GDPD4: variants seen among roughly 807,000 people sequenced by gnomAD.
The protein encoded by GDPD4 is glycerophosphodiester phosphodiesterase 6.
A neutral mutation model predicts 67.8 loss-of-function variants in GDPD4; 60 were observed. The observed-to-expected ratio is 0.88, with a 90% CI of 0.72 to 1.10. The LOEUF (loss-of-function observed/expected upper bound fraction) is 1.10, where lower values mean the gene tolerates loss of function less well. GDPD4 is among the 50% of genes least tolerant of loss of function. GDPD4 has a pLI of 0.00. For missense variants in GDPD4, 623 were observed against 613.9 expected (o/e 1.01, Z -0.16); for synonymous variants, 212 against 210.9 (o/e 1.00, Z -0.04).
intron 10 of GDPD4, 88 bp from the exon 11 acceptor site, chr11:77,258,630 G>T: frequency 8.7e-7 from 1 of 1,146,762 alleles, no homozygotes; most frequent in South Asian, 1.3e-5. Context: ...GTCCTTCAAG[G>T]TCACAAGTGT....
At chr11:77,239,492 C>A (rs1391639291) in intron 13 of GDPD4, among the ~76,000 whole-genome samples, 1 of 152,152 alleles carries the variant, frequency 6.6e-6, no homozygotes, top group Non-Finnish European at 1.5e-5. Flanking sequence ...TGCAAAGTTG[C>A]AGGATACAAA....
At chr11:77,233,196 G>A (rs1170053959) in intron 13 of GDPD4, 24 bp from the exon 14 acceptor site, 1 of 1,607,754 alleles carries the variant, frequency 6.2e-7, no homozygotes, top group Admixed American at 1.7e-5. Context: ...AGAACCCACA[G>A]GGGATTTAGA....
At chr11:77,260,722 TA>T (rs1208354820) in intron 10 of GDPD4, among the ~76,000 whole-genome samples, 1 of 152,058 alleles carries the variant, frequency 6.6e-6, no homozygotes, top group African/African-American at 2.4e-5. Flanking sequence ...ATACAAGGTA[TA>T]AAAAACGGAA....
At chr11:77,279,181 T>A (rs903318182) in intron 4 of GDPD4, 125 bp downstream of exon 4, 12 of 594,640 alleles carry the variant, frequency 2.0e-5, no homozygotes, top group Non-Finnish European at 3.3e-5. Context: ...ATCCCAACTC[T>A]ACTAAGACAA....
At chr11:77,240,035 A>G (rs1958633982) in intron 13 of GDPD4, among the ~76,000 whole-genome samples, 1 of 152,132 alleles carries the variant, frequency 6.6e-6, no homozygotes, top group Non-Finnish European at 1.5e-5. Flanking sequence ...TATGGATTGA[A>G]AGACTTAATA....
intron 16 of GDPD4, chr11:77,224,243 T>C (rs12788116): frequency 0.25 from 38,758 of 152,190 alleles, 6,057 homozygotes; most frequent in South Asian, 0.44. Flanking sequence ...GGTACCTCAG[T>C]TGGAAATGCA....
intron 11 of GDPD4, among the ~76,000 whole-genome samples, chr11:77,245,842 T>G (rs532606624): frequency 6.6e-6 from 1 of 152,280 alleles, no homozygotes; most frequent in South Asian, 2.1e-4. Flanking sequence ...CTCCCGCTAT[T>G]CTAGTTTTGT....
At chr11:77,243,584 C>A in intron 13 of GDPD4, 110 bp downstream of exon 13, 1 of 944,172 alleles carries the variant, frequency 1.1e-6, no homozygotes, top group South Asian at 1.4e-5. Flanking sequence ...AGGAGATAAC[C>A]ACACACAGAA....
At chr11:77,264,257 G>T (rs1959167191) in intron 10 of GDPD4, among the ~76,000 whole-genome samples, 1 of 152,210 alleles carries the variant, frequency 6.6e-6, no homozygotes, top group African/African-American at 2.4e-5. Context: ...CTTTTCAAAT[G>T]TTTCTCAAAA....
chr11:77,235,531 G>T (rs1005219699), intron 13 of GDPD4, among the ~76,000 whole-genome samples: 1 of 152,202 alleles, frequency 6.6e-6, no homozygotes, highest in African/African-American at 2.4e-5. Context: ...CCATACAAAT[G>T]TGACAAATGA....
chr11:77,279,005 T>C (rs761949020), intron 4 of GDPD4, among the ~76,000 whole-genome samples: 51 of 152,140 alleles, frequency 3.4e-4, no homozygotes, highest in Non-Finnish European at 6.8e-4. Context: ...AATGACAATA[T>C]TGAGGGAACC....
chr11:77,229,382 C>A, intron 14 of GDPD4, 150 bp from the exon 15 acceptor site: 1 of 582,356 alleles, frequency 1.7e-6, no homozygotes, highest in South Asian at 2.6e-5. Context: ...GTGGCATTCT[C>A]AAACACAGAC....
In GDPD4 at chr11:77,245,616, T is replaced by C. The variant is rs1302173829; in HGVS notation, c.865-114A>G. 4.6e-6 allele frequency: 3 copies of C among 650,718 alleles called. No homozygotes were observed. In the East Asian group the frequency reaches 8.1e-5, roughly 18 times the overall value. 40.3% of individuals were successfully genotyped at this position (650,718 alleles called of 1,614,324 possible). The stretch of plus-strand genomic sequence containing the variant: ...CATTATCATTCAATCCATCAGGCCC[T>C]CTGAAGTACTAATCCTAGAAAACAG... On this transcript the variant is annotated intron_variant, in intron 11 of 16. Transcript: ENST00000315938.
intron 16 of GDPD4, among the ~76,000 whole-genome samples, chr11:77,220,092 T>C (rs1198947128): frequency 1.3e-5 from 2 of 152,230 alleles, no homozygotes; most frequent in Non-Finnish European, 2.9e-5. Context: ...GCTGATCAGC[T>C]TAAGGAGACT....
At chr11:77,232,887 T>C (rs905787453) in intron 14 of GDPD4, 138 bp downstream of exon 14, 19 of 670,894 alleles carry the variant, frequency 2.8e-5, no homozygotes, top group Non-Finnish European at 3.7e-5. Flanking sequence ...GAATGGAAAA[T>C]ACCACATCTC....
chr11:77,232,438 T>C (rs962579837), intron 14 of GDPD4, among the ~76,000 whole-genome samples: 1 of 152,240 alleles, frequency 6.6e-6, no homozygotes, highest in African/African-American at 2.4e-5. Flanking sequence ...CAGATAGTGA[T>C]AGGATTTGGC....
At chr11:77,266,807 T>C (rs899808448) in intron 10 of GDPD4, among the ~76,000 whole-genome samples, 15 of 152,194 alleles carry the variant, frequency 9.9e-5, no homozygotes, top group Non-Finnish European at 2.9e-5. Context: ...AAAGAAAATA[T>C]TTTTGTACAG....
chr11:77,235,392 G>T lies in GDPD4; in HGVS notation c.1242-2220C>A, dbSNP rs187128128. ...ATTAAAACAATCTGAAAAAAAAATA[G>T]TGTGAGAGGGAATCACTCTATCTGA... On this transcript the variant is annotated intron_variant, in intron 13 of 16. Transcript: ENST00000315938. Among the ~76,000 whole-genome samples the T allele has an allele frequency of 4.2e-3, 633 of 152,116 alleles. 10 individuals carry two copies. Among genetic ancestry groups the T allele is most frequent in the Admixed American group, 0.032 (487 of 15,274 alleles).
At chr11:77,292,011 C>G (rs1257836764) in intron 1 of GDPD4, among the ~76,000 whole-genome samples, 1 of 151,918 alleles carries the variant, frequency 6.6e-6, no homozygotes, top group African/African-American at 2.4e-5. Context: ...GCCTGGGCAA[C>G]AAGAGTGAAA....
Sources: gnomAD v4.1 joint callset for allele counts (sites outside exome capture counted in the v4.1 genomes callset) on GRCh38, gnomAD v4.1.1 for gene constraint, MANE v1.5 for transcripts, NCBI Gene and HGNC (gene_info 2026-07-23, HGNC 2026-07-21) for gene names.